The following TMC1 variants were observed in gnomAD, a reference collection of about 807,000 sequenced individuals.
TMC1 encodes the protein transmembrane channel-like protein 1.
Under a neutral mutation model 105.8 loss-of-function variants are expected in TMC1, and 84 were observed. That is an observed-to-expected ratio of 0.79 (90% CI 0.67 to 0.95). The LOEUF (loss-of-function observed/expected upper bound fraction) is 0.95. Ranked by LOEUF, TMC1 falls within the 40% of genes least tolerant of loss-of-function variation. The probability of loss-of-function intolerance (pLI) is 0.00; values close to 1 mark genes in which losing one functional copy is unlikely to be tolerated. For synonymous variants in TMC1, 315 were observed against 311.5 expected (o/e 1.01, Z -0.12); for missense variants, 817 against 914.1 (o/e 0.89, Z 1.37).
intron 23 of TMC1, 143 bp from the exon 24 acceptor site, chr9:72,835,808 G>A (rs1829113383): frequency 2.4e-6 from 2 of 819,648 alleles, no homozygotes; most frequent in Non-Finnish European, 1.9e-6. Context: ...GGAAAGTAGA[G>A]CACATTTGGA....
intron 12 of TMC1, among the ~76,000 whole-genome samples, chr9:72,757,030 G>A (rs905313273): frequency 6.6e-6 from 1 of 152,066 alleles, no homozygotes; most frequent in African/African-American, 2.4e-5. Flanking sequence ...GGTCAGCAGG[G>A]GATACAGAAA....
chr9:72,696,475 G>C (rs1285775781), intron 7 of TMC1, among the ~76,000 whole-genome samples: 2 of 152,106 alleles, frequency 1.3e-5, no homozygotes, highest in Non-Finnish European at 2.9e-5. Context: ...TCATTTTGAA[G>C]ATAAACATCT....
At chr9:72,805,227 T>C in intron 17 of TMC1, 155 bp from the exon 18 acceptor site, 1 of 604,512 alleles carries the variant, frequency 1.7e-6, no homozygotes, top group South Asian at 2.7e-5. Context: ...GTGAAATATT[T>C]TTTATTTACT....
At chr9:72,652,845 G>A (rs984924204) in intron 5 of TMC1, among the ~76,000 whole-genome samples, 1 of 152,078 alleles carries the variant, frequency 6.6e-6, no homozygotes. Context: ...GCTTGTGAAA[G>A]CCATTTCTAA....
chr9:72,805,421 T>C lies in TMC1; in HGVS notation c.1606T>C (p.Tyr536His). The part of the protein sequence containing the change: ...RLTVSDVLTT[Y>H]VTILIGDFLR... ...GACAGTCTCTGATGTTCTGACCACC[T>C]ACGTCACAATCCTCATTGGGGACTT... Residue 536 changes from tyrosine to histidine, a missense_variant, in exon 18 of 24, where the codon TAC becomes CAC. By Grantham distance (83) the Tyr-to-His change is moderately conservative. Coordinates refer to ENST00000297784, the MANE Select transcript of TMC1 (RefSeq NM_138691.3). 1.2e-6 allele frequency: 2 copies of C among 1,613,952 alleles called. No individual in the cohort carries two copies. The highest frequency in any genetic ancestry group is 1.7e-6 in the Non-Finnish European group (2 of 1,179,846).
chr9:72,749,193 G>A (rs984796998), intron 10 of TMC1, among the ~76,000 whole-genome samples: 2 of 152,162 alleles, frequency 1.3e-5, no homozygotes, highest in Non-Finnish European at 2.9e-5. Context: ...TTGTGTGTAG[G>A]TGCTGAGAGG....
intron 21 of TMC1, among the ~76,000 whole-genome samples, chr9:72,829,888 T>C (rs1829013986): frequency 6.6e-6 from 1 of 152,226 alleles, no homozygotes; most frequent in African/African-American, 2.4e-5. Flanking sequence ...TCCAATAATA[T>C]TCCTTTATAC....
intron 5 of TMC1, among the ~76,000 whole-genome samples, chr9:72,660,040 C>T (rs1230266374): frequency 2.6e-5 from 4 of 152,044 alleles, no homozygotes; most frequent in Admixed American, 6.6e-5. Context: ...TGTCCTTCTC[C>T]TTGAGGAGGA....
In TMC1 at chr9:72,563,792, C is replaced by T. The variant is rs148454036; in HGVS notation, c.-427-14110C>T. ...GCGGGTGCCTGTAATCCCAGCTATT[C>T]GGGAGGCTGAGGCAGGAGAATCGCT... On this transcript the variant is annotated intron_variant, in intron 1 of 23. Coordinates refer to ENST00000297784, the MANE Select transcript of TMC1 (RefSeq NM_138691.3). Among the ~76,000 whole-genome samples the T allele has an allele frequency of 2.8e-3, 400 of 143,876 alleles. 4 individuals carry two copies. The highest frequency in any genetic ancestry group is 9.9e-3 in the African/African-American group (382 of 38,422). 94.4% of individuals were successfully genotyped at this position (143,876 alleles called of 152,430 possible).
At chr9:72,638,064 C>T (rs1056769420) in intron 4 of TMC1, among the ~76,000 whole-genome samples, 1 of 151,674 alleles carries the variant, frequency 6.6e-6, no homozygotes, top group African/African-American at 2.4e-5. Flanking sequence ...GATCATGCTG[C>T]CTCCCACCAC....
At chr9:72,683,821 T>G (rs2132179309) in intron 5 of TMC1, among the ~76,000 whole-genome samples, 1 of 139,066 alleles carries the variant, frequency 7.2e-6, no homozygotes, top group South Asian at 2.3e-4. Flanking sequence ...AAATGCAAAA[T>G]TTTGCTTTAT....
chr9:72,815,999 A>T, intron 18 of TMC1, 144 bp from the exon 19 acceptor site: 2 of 729,128 alleles, frequency 2.7e-6, no homozygotes, highest in Non-Finnish European at 4.9e-6. Flanking sequence ...TTTTATTTAT[A>T]TCTGGTTACT....
chr9:72,823,409 G>A (rs1056081241), intron 20 of TMC1, among the ~76,000 whole-genome samples: 2 of 152,154 alleles, frequency 1.3e-5, no homozygotes, highest in South Asian at 4.1e-4. Flanking sequence ...TAGATCCTGG[G>A]CAAGCAGGAA....
intron 10 of TMC1, among the ~76,000 whole-genome samples, chr9:72,746,057 A>G (rs1394429530): frequency 6.6e-6 from 1 of 152,238 alleles, no homozygotes; most frequent in African/African-American, 2.4e-5. Flanking sequence ...AGAGGGGACT[A>G]TATAATTGCC....
At chr9:72,753,587 T>C (rs887086668) in intron 11 of TMC1, among the ~76,000 whole-genome samples, 3 of 152,098 alleles carry the variant, frequency 2.0e-5, no homozygotes, top group African/African-American at 7.2e-5. Flanking sequence ...GATACCCTTT[T>C]ATAGGTTGTA....
chr9:72,706,316 A>C (rs1826736115), intron 8 of TMC1, among the ~76,000 whole-genome samples: 1 of 152,218 alleles, frequency 6.6e-6, no homozygotes, highest in African/African-American at 2.4e-5. Context: ...GATGCTATAC[A>C]AGAGGACATT....
intron 20 of TMC1, among the ~76,000 whole-genome samples, chr9:72,821,502 C>CAAAAAAAAAA (rs35069464): frequency 9.5e-6 from 1 of 105,550 alleles, no homozygotes; most frequent in Non-Finnish European, 2.0e-5. Flanking sequence ...AACTCTGTCT[C>CAAAAAAAAAA]AAAAAAAAAA....
chr9:72,694,634 T>C lies in TMC1; in HGVS notation c.156T>C (p.Asp52=). The change falls in exon 7 of 24, where the codon GAT becomes GAC. Residue 52 remains aspartate (D), a synonymous_variant. Transcript: ENST00000297784. ...GGACCAGAGATGTTATCAATGAGGA[T>C]GACCCAGAACCTGAACCAGAGGATG... is the stretch of plus-strand genomic sequence containing the variant. ...RKRTRDVINE[D]DPEPEPEDEE... is the part of the protein sequence containing the mutation. 6.2e-7 allele frequency: 1 copy of C among 1,612,870 alleles called. No individual in the cohort carries two copies. The highest frequency in any genetic ancestry group is 8.5e-7 in the Non-Finnish European group (1 of 1,179,468).
chr9:72,775,158 T>C (rs571829229), intron 13 of TMC1, among the ~76,000 whole-genome samples: 1 of 152,296 alleles, frequency 6.6e-6, no homozygotes, highest in East Asian at 1.9e-4. Flanking sequence ...GTCTTGCATT[T>C]GAGAACCTTT....
Sources: allele counts gnomAD v4.1 joint callset (sites outside exome capture counted in the v4.1 genomes callset), GRCh38; gene constraint gnomAD v4.1.1; transcripts MANE v1.5; gene names NCBI Gene and HGNC (gene_info 2026-07-23, HGNC 2026-07-21).